PACS1: variants seen among roughly 807,000 people sequenced by gnomAD.
The protein encoded by PACS1 is PACS-1.
Under a neutral mutation model 115.0 loss-of-function variants are expected in PACS1, and 24 were observed. That is an observed-to-expected ratio of 0.21 (90% CI 0.15 to 0.29). PACS1 has a LOEUF of 0.29. Ranked by LOEUF, PACS1 falls within the 10% of genes least tolerant of loss-of-function variation. PACS1 has a pLI of 1.00. For missense variants in PACS1, 838 were observed against 1,251.2 expected (o/e 0.67, Z 4.98); for synonymous variants, 453 against 504.5 (o/e 0.90, Z 1.37).
chr11:66,216,060 C>T, intron 4 of PACS1, 59 bp from the exon 5 acceptor site: 1 of 1,575,672 alleles, frequency 6.3e-7, no homozygotes, highest in Non-Finnish European at 8.7e-7. Context: ...CATTCCTTGG[C>T]TGTGTTTCTC....
At chr11:66,186,214 T>G (rs1242821170) in intron 1 of PACS1, among the ~76,000 whole-genome samples, 1 of 151,784 alleles carries the variant, frequency 6.6e-6, no homozygotes, top group Non-Finnish European at 1.5e-5. Context: ...AGTTCAAGAT[T>G]GCAGTGAGCT....
chr11:66,163,792 G>T (rs1025182606), intron 1 of PACS1, among the ~76,000 whole-genome samples: 8 of 152,146 alleles, frequency 5.3e-5, no homozygotes, highest in Admixed American at 4.6e-4. Context: ...GTCTTGCCTT[G>T]AGGTGGGATA....
intron 1 of PACS1, among the ~76,000 whole-genome samples, chr11:66,124,722 A>G (rs1389492333): frequency 6.6e-6 from 1 of 152,242 alleles, no homozygotes; most frequent in Non-Finnish European, 1.5e-5. Flanking sequence ...AGTGTGTGTC[A>G]TCAGTTAGAA....
At chr11:66,161,624 TA>T in intron 1 of PACS1, among the ~76,000 whole-genome samples, 1 of 152,142 alleles carries the variant, frequency 6.6e-6, no homozygotes, top group Non-Finnish European at 1.5e-5. Context: ...AAAACTCAAG[TA>T]AAAGATAAGA....
intron 1 of PACS1, among the ~76,000 whole-genome samples, chr11:66,146,641 A>G (rs769641228): frequency 3.9e-5 from 6 of 152,254 alleles, no homozygotes; most frequent in Non-Finnish European, 7.3e-5. Flanking sequence ...ATGAAGTAAC[A>G]GCCAGAAACT....
In PACS1 at chr11:66,070,983, T is replaced by G; in HGVS notation, c.356+141T>G. ...GGCCCGGCCTGGCTCCAGCCAGGCC[T>G]CCCGGGACTCCTGCCACGGGGACCC... On this transcript the variant is annotated intron_variant, in intron 1 of 23. Transcript: ENST00000320580. This position sits in a 1 kb window ranked among gnomAD's most constrained non-coding sequence, Gnocchi z 5.9. 1 of 853,606 alleles carries G rather than the reference T, an allele frequency of 1.2e-6. No homozygotes were observed. The highest frequency in any genetic ancestry group is 3.5e-5 in the East Asian group (1 of 28,806). The allele number at this position is 853,606 out of a possible 1,614,324, so 52.9% of individuals were successfully genotyped here.
chr11:66,219,421 G>T, intron 7 of PACS1: 1 of 454,414 alleles, frequency 2.2e-6, no homozygotes, highest in Non-Finnish European at 4.2e-6. Flanking sequence ...GCAGGTAGGA[G>T]TCAGCAGTGG....
At chr11:66,188,871 A>G (rs1464109619) in intron 1 of PACS1, among the ~76,000 whole-genome samples, 1 of 152,200 alleles carries the variant, frequency 6.6e-6, no homozygotes, top group African/African-American at 2.4e-5. Flanking sequence ...ATATTAAGGT[A>G]TATGTTAAAA....
chr11:66,146,400 A>G (rs1859125081), intron 1 of PACS1, among the ~76,000 whole-genome samples: 1 of 152,204 alleles, frequency 6.6e-6, no homozygotes. Flanking sequence ...GGAGATGAAA[A>G]ATACAGTAAC....
intron 1 of PACS1, among the ~76,000 whole-genome samples, chr11:66,094,582 A>T (rs1359696728): frequency 6.6e-6 from 1 of 152,218 alleles, no homozygotes; most frequent in Non-Finnish European, 1.5e-5. Flanking sequence ...AGAGTCCAGT[A>T]CCAGATGGAT....
intron 19 of PACS1, chr11:66,238,261 T>C: frequency 1.0e-6 from 1 of 984,994 alleles, no homozygotes; most frequent in African/African-American, 1.7e-5. Flanking sequence ...GGCTTTAGAC[T>C]CTCCCACCTG....
intron 1 of PACS1, among the ~76,000 whole-genome samples, chr11:66,077,220 C>G (rs1181611989): frequency 1.3e-5 from 2 of 152,194 alleles, no homozygotes; most frequent in Non-Finnish European, 2.9e-5. Flanking sequence ...GTAGAACAGA[C>G]AGCTAACCAA....
rs369219523 is a variant in PACS1 at position 66,233,499 on chromosome 11, G to A, written c.1839-286G>A. 6.6e-6 allele frequency among the ~76,000 whole-genome samples: 1 copy of A among 152,190 alleles called. No homozygotes were observed. Among genetic ancestry groups the A allele is most frequent in the South Asian group, 2.1e-4 (1 of 4,830 alleles). ...TGTGAAAGAGAACTATGGATTCCAGGCCTGGGGGCACACACCCTGCGGGCA... is the reference window on the plus strand; with the variant it reads ...TGTGAAAGAGAACTATGGATTCCAGACCTGGGGGCACACACCCTGCGGGCA... On this transcript the variant is annotated intron_variant, in intron 15 of 23. Transcript: ENST00000320580. The surrounding 1 kb of genome is among the most constrained non-coding windows in gnomAD (Gnocchi z 4.5).
chr11:66,145,985 T>C (rs908518225), intron 1 of PACS1, among the ~76,000 whole-genome samples: 1 of 152,194 alleles, frequency 6.6e-6, no homozygotes, highest in African/African-American at 2.4e-5. Flanking sequence ...GGCAAATTAC[T>C]AAAGAAATAA....
At chr11:66,095,791 C>T (rs1196529897) in intron 1 of PACS1, among the ~76,000 whole-genome samples, 1 of 152,122 alleles carries the variant, frequency 6.6e-6, no homozygotes, top group Admixed American at 6.6e-5. Flanking sequence ...CAAAGTTATA[C>T]ATATATTTTA....
At chr11:66,109,389 C>G (rs1045629891) in intron 1 of PACS1, among the ~76,000 whole-genome samples, 3 of 152,076 alleles carry the variant, frequency 2.0e-5, no homozygotes, top group African/African-American at 4.8e-5. Context: ...GAGACCCCAT[C>G]TCTATTTTAA....
rs397945291 is a variant in PACS1, at chr11:66,118,769, CAAA to C, written c.356+47948_356+47950del. On this transcript the variant is annotated intron_variant, in intron 1 of 23. Transcript: ENST00000320580. Reference sequence around the variant, plus strand: ...GCAACATGGCGAAACCCCATGTCTACAAAAAAAAAAAAAAAAAAAAAAAGAAAG... The same window carrying C: ...GCAACATGGCGAAACCCCATGTCTACAAAAAAAAAAAAAAAAAAAAGAAAG... 3.3e-3 allele frequency among the ~76,000 whole-genome samples: 276 copies of C among 83,610 alleles called. 1 individual carries two copies. Among genetic ancestry groups the C allele is most frequent in the Admixed American group, 5.1e-3 (31 of 6,032 alleles). 54.9% of individuals were successfully genotyped at this position (83,610 alleles called of 152,430 possible). A position where few individuals can be genotyped will look rare whatever the true frequency, so the allele number is the denominator to read the frequency against.
Position 66,227,368 on chromosome 11 carries a change from A to G in PACS1, c.1294-136A>G, listed in dbSNP as rs1565155201. On this transcript the variant is annotated intron_variant, in intron 10 of 23. Transcript: ENST00000320580. ...AAATGTACCCGCCTCCCCGGCCCAC[A>G]TAAGAAAAAAGCCCTGAAGATTTTA... The G allele has an allele frequency of 1.2e-5, 7 of 602,938 alleles. No individual in the cohort carries two copies. The East Asian group carries it at 1.8e-4, about 16-fold the overall frequency. The allele number at this position is 602,938 out of a possible 1,614,324, so 37.3% of individuals were successfully genotyped here.
At chr11:66,118,769 C>CAAAAAAAAAAAAAAAAAAAA (rs397945291) in intron 1 of PACS1, among the ~76,000 whole-genome samples, 14 of 83,600 alleles carry the variant, frequency 1.7e-4, no homozygotes, top group South Asian at 4.6e-4. Context: ...CCCATGTCTA[C>CAAAAAAAAAAAAAAAAAAAA]AAAAAAAAAA....
Sources: gnomAD v4.1 joint callset for allele counts (sites outside exome capture counted in the v4.1 genomes callset) on GRCh38, gnomAD v4.1.1 for gene constraint, Gnocchi (gnomAD v3.1) non-coding constraint, MANE v1.5 for transcripts, NCBI Gene and HGNC (gene_info 2026-07-23, HGNC 2026-07-21) for gene names.